SFT2D2: variants seen among roughly 807,000 people sequenced by gnomAD.
SFT2D2 encodes the protein SFT2 domain containing 2.
A neutral mutation model predicts 27.4 loss-of-function variants in SFT2D2; 21 were observed. That is an observed-to-expected ratio of 0.77 (90% CI 0.54 to 1.10). SFT2D2 has a LOEUF of 1.10. SFT2D2 is among the 50% of genes least tolerant of loss of function. SFT2D2 has a pLI of 0.00. For synonymous variants in SFT2D2, 72 were observed against 71.7 expected, an observed-to-expected ratio of 1.00 and a Z score of -0.02; for missense variants, 187 against 194.2, an observed-to-expected ratio of 0.96 and a Z score of 0.22.
chr1:168,239,057 C>T, intron 6 of SFT2D2, 74 bp from the exon 7 acceptor site: 1 of 1,132,398 alleles, frequency 8.8e-7, no homozygotes, highest in Non-Finnish European at 1.3e-6. Context: ...TCTTACAGCT[C>T]AGAAGCCCAT....
At chr1:168,235,031 G>T in intron 3 of SFT2D2, 70 bp from the exon 4 acceptor site, 1 of 1,320,360 alleles carries the variant, frequency 7.6e-7, no homozygotes. Flanking sequence ...AGGAAATCTT[G>T]GGGAGGCGAC....
chr1:168,226,215 G>A (rs1700457165), intron 1 of SFT2D2, 73 bp downstream of exon 1: 2 of 1,376,694 alleles, frequency 1.5e-6, no homozygotes, highest in East Asian at 2.9e-5. Flanking sequence ...GGCCTGGGAA[G>A]CCTGCGGGGA....
At chr1:168,241,297 C>T (rs1453364160) in intron 7 of SFT2D2, among the ~76,000 whole-genome samples, 1 of 147,932 alleles carries the variant, frequency 6.8e-6, no homozygotes. Context: ...AGTCTCCAAC[C>T]TCCTGGCTTC....
In SFT2D2 at chr1:168,226,069, A is replaced by C. The variant is rs188603804; in HGVS notation, c.-11A>C. 3.9e-6 allele frequency: 6 copies of C among 1,528,758 alleles called. No individual in the cohort carries two copies. Among genetic ancestry groups the C allele is most frequent in the Non-Finnish European group, 5.3e-6 (6 of 1,136,868 alleles). 94.7% of individuals were successfully genotyped at this position (1,528,758 alleles called of 1,614,324 possible). ...CGCTGAGGAGCTGGAGCTGGTGGGG[A>C]CTGGGCCGCAATGGACAAGCTGAAG... On this transcript the variant is annotated 5_prime_UTR_variant, in exon 1 of 8. Transcript: ENST00000271375.
rs1236247582 is a variant in SFT2D2, at chr1:168,247,528, A to G, written c.*4988A>G. 1.9e-5 allele frequency: 3 copies of G among 154,344 alleles called. No individual in the cohort carries two copies. Among genetic ancestry groups the G allele is most frequent in the African/African-American group, 7.2e-5 (3 of 41,434 alleles). 9.6% of individuals were successfully genotyped at this position (154,344 alleles called of 1,614,324 possible). ...CATCCTTTTTTTATGGCTGAATACT[A>G]TTCCATGGGTGTATATATGCCACAT... On this transcript the variant is annotated 3_prime_UTR_variant, in exon 8 of 8. Coordinates refer to ENST00000271375, the MANE Select transcript of SFT2D2 (RefSeq NM_199344.3).
At chr1:168,238,020 C>A (rs1354341385) in intron 6 of SFT2D2, among the ~76,000 whole-genome samples, 3 of 152,066 alleles carry the variant, frequency 2.0e-5, no homozygotes, top group Non-Finnish European at 4.4e-5. Flanking sequence ...CATATGGGTC[C>A]AGCTGAATGG....
Position 168,246,691 on chromosome 1 carries a change from C to T in SFT2D2, c.*4151C>T. 1 of 1,109,996 alleles carries T rather than the reference C, an allele frequency of 9.0e-7. No homozygotes were observed. Among genetic ancestry groups the T allele is most frequent in the Non-Finnish European group, 1.3e-6 (1 of 744,030 alleles). The allele number at this position is 1,109,996 out of a possible 1,614,324, so 68.8% of individuals were successfully genotyped here. A position where few individuals can be genotyped will look rare whatever the true frequency, so the allele number is the denominator to read the frequency against. On this transcript the variant is annotated 3_prime_UTR_variant, in exon 8 of 8. Transcript: ENST00000271375. The stretch of plus-strand genomic sequence containing the variant: ...ATGATCATGTAGAGCAACATTCAGT[C>T]TACGATGGTATGATTCCATTTCGTC...
intron 3 of SFT2D2, among the ~76,000 whole-genome samples, chr1:168,233,767 T>TG (rs1376894808): frequency 2.0e-5 from 3 of 152,210 alleles, no homozygotes; most frequent in African/African-American, 7.2e-5. Context: ...GGATTCTTCA[T>TG]AGACTGTGTA....
At chr1:168,231,717 A>G in intron 2 of SFT2D2, 117 bp downstream of exon 2, 2 of 1,418,258 alleles carry the variant, frequency 1.4e-6, no homozygotes, top group Non-Finnish European at 1.0e-6. Flanking sequence ...ATGAGAGGAG[A>G]GGGGAATAAG....
rs757219028 is a variant in SFT2D2 at position 168,245,630 on chromosome 1, C to G, written c.*3090C>G. Reference sequence around the variant, plus strand: ...AAGATTCACATGGCATGCAGATGATCTAGAAGATCCACAGTAACTCTCCTG... The same window carrying G: ...AAGATTCACATGGCATGCAGATGATGTAGAAGATCCACAGTAACTCTCCTG... On this transcript the variant is annotated 3_prime_UTR_variant, in exon 8 of 8. Coordinates refer to ENST00000271375, the MANE Select transcript of SFT2D2 (RefSeq NM_199344.3). 7.3e-6 allele frequency: 1 copy of G among 136,100 alleles called. No individual in the cohort carries two copies. Among genetic ancestry groups the G allele is most frequent in the South Asian group, 2.3e-4 (1 of 4,308 alleles). The allele number at this position is 136,100 out of a possible 1,614,324, so 8.4% of individuals were successfully genotyped here. A position where few individuals can be genotyped will look rare whatever the true frequency, so the allele number is the denominator to read the frequency against.
rs1169392408 is a variant in SFT2D2 at position 168,236,796 on chromosome 1, TCCC to T, written c.413+27_413+29del. ...GTAAGTAACCTTTTAAACAATCCCC[TCCC>T]ACATAGCCCACTGAATAATGTAGCC... On this transcript the variant is annotated intron_variant, in intron 6 of 7. Coordinates refer to ENST00000271375, the MANE Select transcript of SFT2D2 (RefSeq NM_199344.3). The T allele has an allele frequency of 7.5e-6, 12 of 1,610,326 alleles. No homozygotes were observed. In the African/African-American group the frequency reaches 1.6e-4, roughly 22 times the overall value.
intron 1 of SFT2D2, 122 bp downstream of exon 1, chr1:168,226,264 C>T: frequency 2.5e-6 from 2 of 798,878 alleles, no homozygotes; most frequent in South Asian, 2.1e-5. Flanking sequence ...GCCCCTTCTC[C>T]TCCTCTTCTT....
At chr1:168,238,587 A>G (rs1209918655) in intron 6 of SFT2D2, among the ~76,000 whole-genome samples, 13 of 152,002 alleles carry the variant, frequency 8.6e-5, no homozygotes, top group Admixed American at 6.6e-4. Flanking sequence ...AGGCTGAGGC[A>G]GGGGGATTGC....
At position 168,242,506 on chromosome 1, in the gene SFT2D2, C is replaced by T. The variant is rs1327208628; in HGVS notation, c.449C>T (p.Ala150Val). The T allele has an allele frequency of 5.0e-6, 8 of 1,614,008 alleles. No individual in the cohort carries two copies. In the Admixed American group the frequency reaches 1.3e-4, roughly 27 times the overall value. ...SLSFIPFARD[A>V]VKKCFAVCLA ...TTGTGTCTTTTCTTTCCTAGGGATG[C>T]TGTGAAGAAGTGTTTTGCCGTGTGT... Residue 150 changes from alanine to valine, a missense_variant, in exon 8 of 8, where the codon GCT (alanine) becomes GTT (valine). Ala to Val is a moderately conservative substitution (Grantham distance 64, BLOSUM62 0). Transcript: ENST00000271375.
At chr1:168,233,184 T>A (rs964437627) in intron 3 of SFT2D2, among the ~76,000 whole-genome samples, 2 of 152,214 alleles carry the variant, frequency 1.3e-5, no homozygotes, top group African/African-American at 4.8e-5. Context: ...AAAATGCCGT[T>A]GTGCCCTTGT....
Position 168,247,761 on chromosome 1 carries a change from C to T in SFT2D2, c.*5221C>T, listed in dbSNP as rs1279009026. On this transcript the variant is annotated 3_prime_UTR_variant, in exon 8 of 8. Transcript: ENST00000271375. ...TGAGGAATCGCCACACTGTCTTTCA[C>T]AATGGTTGAACTAATTTACACTCCC... The T allele has an allele frequency of 6.6e-6, 1 of 152,216 alleles. No individual in the cohort carries two copies. Among genetic ancestry groups the T allele is most frequent in the Non-Finnish European group, 1.5e-5 (1 of 68,048 alleles). 9.4% of individuals were successfully genotyped at this position (152,216 alleles called of 1,614,324 possible).
intron 6 of SFT2D2, among the ~76,000 whole-genome samples, chr1:168,237,892 T>A (rs1283874651): frequency 6.6e-6 from 1 of 151,850 alleles, no homozygotes; most frequent in African/African-American, 2.4e-5. Context: ...CATGCACATT[T>A]GAGTGGTAGA....
intron 1 of SFT2D2, among the ~76,000 whole-genome samples, chr1:168,228,337 G>C (rs1700482139): frequency 6.6e-6 from 1 of 152,150 alleles, no homozygotes; most frequent in Non-Finnish European, 1.5e-5. Context: ...AGTTGAATTA[G>C]GCGCTCTTAA....
At chr1:168,236,551 GT>G in intron 4 of SFT2D2, 37 bp from the exon 5 acceptor site, 1 of 1,592,440 alleles carries the variant, frequency 6.3e-7, no homozygotes, top group Non-Finnish European at 8.6e-7. Context: ...TTCCTGCCAT[GT>G]TATTGTCATT....
Sources: gnomAD v4.1 joint callset for allele counts (sites outside exome capture counted in the v4.1 genomes callset) on GRCh38, gnomAD v4.1.1 for gene constraint, MANE v1.5 for transcripts, NCBI Gene and HGNC (gene_info 2026-07-23, HGNC 2026-07-21) for gene names.